The following WDR41 variants were observed in gnomAD, a reference collection of about 807,000 sequenced individuals.
WDR41 encodes the protein WD repeat domain 41.
A neutral mutation model predicts 69.3 loss-of-function variants in WDR41; 63 were observed. The ratio of observed to expected loss-of-function variants is 0.91; its 90% CI spans 0.74 to 1.12. The LOEUF (loss-of-function observed/expected upper bound fraction) is 1.12, where lower values mean the gene tolerates loss of function less well. WDR41 is among the 50% of genes most tolerant of loss of function. The pLI, the probability that WDR41 is intolerant of heterozygous loss-of-function variation, is 0.00. For synonymous variants in WDR41, 185 were observed against 192.1 expected (o/e 0.96, Z 0.31); for missense variants, 543 against 534.5 (o/e 1.02, Z -0.16).
intron 1 of WDR41, among the ~76,000 whole-genome samples, chr5:77,517,657 T>C (rs1026705958): frequency 4.5e-4 from 62 of 136,708 alleles, no homozygotes; most frequent in East Asian, 3.2e-3. Flanking sequence ...TATATATATA[T>C]ACCAGGCTAA....
intron 4 of WDR41, among the ~76,000 whole-genome samples, chr5:77,460,168 C>G (rs1381494056): frequency 6.6e-6 from 1 of 152,174 alleles, no homozygotes; most frequent in Non-Finnish European, 1.5e-5. Flanking sequence ...GAGAAAATAT[C>G]AGACTTCAAA....
intron 1 of WDR41, among the ~76,000 whole-genome samples, chr5:77,532,809 G>A (rs1342320462): frequency 1.3e-5 from 2 of 151,996 alleles, no homozygotes; most frequent in Admixed American, 6.6e-5. Context: ...AAGGTAAAAA[G>A]AAAAGCAAGG....
At chr5:77,481,342 G>C (rs1381793703) in intron 2 of WDR41, among the ~76,000 whole-genome samples, 1 of 152,134 alleles carries the variant, frequency 6.6e-6, no homozygotes, top group Non-Finnish European at 1.5e-5. Flanking sequence ...TCTGTTCACA[G>C]AGAGGGAACA....
At chr5:77,451,895 C>G (rs1259610268) in intron 6 of WDR41, 1 of 152,178 alleles carries the variant, frequency 6.6e-6, no homozygotes, top group Non-Finnish European at 1.5e-5. Context: ...TAACACACTT[C>G]ACTTATTTAA....
intron 11 of WDR41, 55 bp downstream of exon 11, chr5:77,437,281 T>G: frequency 6.9e-7 from 1 of 1,450,236 alleles, no homozygotes; most frequent in Non-Finnish European, 9.7e-7. Context: ...TCTCCTGCCT[T>G]TCACGTGAGA....
intron 1 of WDR41, among the ~76,000 whole-genome samples, chr5:77,542,974 A>G (rs1743119766): frequency 6.6e-6 from 1 of 152,188 alleles, no homozygotes; most frequent in Admixed American, 6.5e-5. Context: ...AGTTCACATC[A>G]CAGTACTCTG....
intron 2 of WDR41, among the ~76,000 whole-genome samples, chr5:77,475,794 A>G (rs1233323921): frequency 6.6e-6 from 1 of 152,214 alleles, no homozygotes; most frequent in Non-Finnish European, 1.5e-5. Context: ...GCAGTTCCTC[A>G]CCAGCAACGG....
intron 1 of WDR41, among the ~76,000 whole-genome samples, chr5:77,529,975 ATACATCT>A (rs985882722): frequency 2.0e-5 from 3 of 151,672 alleles, no homozygotes; most frequent in Admixed American, 2.0e-4. Flanking sequence ...GAAATGACTG[ATACATCT>A]TACATATGTG....
intron 1 of WDR41, among the ~76,000 whole-genome samples, chr5:77,558,595 G>T (rs1007541341): frequency 6.6e-6 from 1 of 152,136 alleles, no homozygotes; most frequent in Non-Finnish European, 1.5e-5. Context: ...TTTTCCATTT[G>T]TTTACGCTAT....
At chr5:77,474,770 T>C (rs904901841) in intron 2 of WDR41, among the ~76,000 whole-genome samples, 4 of 152,122 alleles carry the variant, frequency 2.6e-5, no homozygotes, top group African/African-American at 4.8e-5. Context: ...AAATCACAGA[T>C]AGAAAGCTAA....
intron 5 of WDR41, 41 bp from the exon 6 acceptor site, chr5:77,453,969 A>G: frequency 6.7e-7 from 1 of 1,485,402 alleles, no homozygotes; most frequent in East Asian, 2.3e-5. Context: ...TTAGAAACTT[A>G]AGCAGTCATT....
In WDR41 at chr5:77,437,388, GC is replaced by G; in HGVS notation, c.1040del (p.Arg347ProfsTer5). On this transcript the variant is annotated frameshift_variant, in exon 11 of 13. Transcript: ENST00000296679. LOFTEE classifies it high-confidence loss of function. ...LISCSEDGSVRIWELREKQQL... is the reference protein window; with the variant it reads ...LISCSEDGSVXIWELREKQQL... ...GCTGTTTTTCTCTTAACTCCCAAAT[GC>G]GTACACTGCCATCTTCTGAGCATGA... 1 of 1,613,928 alleles carries G rather than the reference GC, an allele frequency of 6.2e-7. No individual in the cohort carries two copies. The highest frequency in any genetic ancestry group is 8.5e-7 in the Non-Finnish European group (1 of 1,179,914).
rs10559151 is a variant in WDR41 at position 77,480,825 on chromosome 5, TAAA to T, written c.167+8629_167+8631del. On this transcript the variant is annotated intron_variant, in intron 2 of 12. Coordinates refer to ENST00000296679, the MANE Select transcript of WDR41 (RefSeq NM_018268.4). The stretch of plus-strand genomic sequence containing the variant: ...TGTACCCTAAAACTTAAAGTATAAT[TAAA>T]AAAAAAAAAAAAGATTACAGTATTA... Among the ~76,000 whole-genome samples, 498 of 145,390 alleles carry T rather than the reference TAAA, an allele frequency of 3.4e-3. 1 individual carries two copies. Among genetic ancestry groups the T allele is most frequent in the African/African-American group, 0.01 (419 of 40,048 alleles).
chr5:77,482,932 AGGAG>A (rs2112078448), intron 2 of WDR41, among the ~76,000 whole-genome samples: 1 of 151,256 alleles, frequency 6.6e-6, no homozygotes, highest in Admixed American at 6.6e-5. Context: ...CTCCCATACC[AGGAG>A]GGGGATAACA....
chr5:77,605,764 C>G (rs886899180), intron 1 of WDR41, among the ~76,000 whole-genome samples: 13 of 152,054 alleles, frequency 8.5e-5, no homozygotes, highest in Admixed American at 3.9e-4. Context: ...CTTGGGCCTC[C>G]TGTCATTTCT....
At chr5:77,591,013 G>T (rs1283359790) in intron 1 of WDR41, among the ~76,000 whole-genome samples, 4 of 152,066 alleles carry the variant, frequency 2.6e-5, no homozygotes, top group Non-Finnish European at 4.4e-5. Context: ...CACCAGAGAA[G>T]TCATCTGAAA....
upstream of WDR41, among the ~76,000 whole-genome samples, chr5:77,495,549 A>G (rs1368600526): frequency 6.6e-6 from 1 of 152,026 alleles, no homozygotes; most frequent in Admixed American, 6.5e-5. Flanking sequence ...GAAATACACA[A>G]ATTATTTAAA....
At chr5:77,542,980 C>T (rs1743119847) in intron 1 of WDR41, among the ~76,000 whole-genome samples, 1 of 152,152 alleles carries the variant, frequency 6.6e-6, no homozygotes, top group Non-Finnish European at 1.5e-5. Flanking sequence ...CATCACAGTA[C>T]TCTGTGCAGA....
chr5:77,571,194 G>C (rs939724160), intron 1 of WDR41, among the ~76,000 whole-genome samples: 1 of 151,946 alleles, frequency 6.6e-6, no homozygotes. Flanking sequence ...AAAATGGTCC[G>C]GAATTCCCCT....
Sources: gnomAD v4.1 joint callset for allele counts (sites outside exome capture counted in the v4.1 genomes callset) on GRCh38, gnomAD v4.1.1 for gene constraint, MANE v1.5 for transcripts, NCBI Gene and HGNC (gene_info 2026-07-23, HGNC 2026-07-21) for gene names.